The following MIS18A variants were observed in gnomAD, a reference collection of about 807,000 sequenced individuals.
MIS18A encodes the protein protein Mis18-alpha.
In MIS18A, 14 loss-of-function variants were observed where a neutral mutation model predicts 25.0. The ratio of observed to expected loss-of-function variants is 0.56; its 90% confidence interval spans 0.37 to 0.88. The LOEUF is 0.88. MIS18A is among the 40% of genes least tolerant of loss of function. MIS18A has a pLI of 0.00. For synonymous variants in MIS18A, 134 were observed against 118.6 expected (o/e 1.13, Z -0.84); for missense variants, 292 against 290.8 (o/e 1.00, Z -0.03).
chr21:32,188,367 A>G, the MIS18A span, among the ~76,000 whole-genome samples: 1 of 152,350 alleles, frequency 6.6e-6, no homozygotes, highest in East Asian at 1.9e-4. Context: ...CCACAGAGTG[A>G]CACAAAGAAG....
chr21:32,212,913 G>C, the MIS18A span, among the ~76,000 whole-genome samples: 1 of 152,164 alleles, frequency 6.6e-6, no homozygotes, highest in Admixed American at 6.5e-5. Context: ...GTGGAACTGT[G>C]AGTCCATTAA....
chr21:32,196,132 G>T, the MIS18A span, among the ~76,000 whole-genome samples: 1 of 152,310 alleles, frequency 6.6e-6, no homozygotes, highest in South Asian at 2.1e-4. Context: ...ATGTCTGTGA[G>T]AGTGTTCTGG....
At chr21:32,208,434 G>C in the MIS18A span, among the ~76,000 whole-genome samples, 1 of 152,044 alleles carries the variant, frequency 6.6e-6, no homozygotes, top group Non-Finnish European at 1.5e-5. Context: ...CCTTGCTTCT[G>C]CTTTGGCCAT....
At chr21:32,274,943 A>C in intron 1 of MIS18A, 47 bp from the exon 2 acceptor site, 1 of 1,466,678 alleles carries the variant, frequency 6.8e-7, no homozygotes, top group Non-Finnish European at 9.5e-7. Flanking sequence ...AGTTCGTTAT[A>C]ACATACCTGC....
chr21:32,175,886 A>G, the MIS18A span, among the ~76,000 whole-genome samples: 13 of 152,062 alleles, frequency 8.5e-5, no homozygotes, highest in Non-Finnish European at 1.6e-4. Flanking sequence ...TTCTTATTCC[A>G]TATGCCTTTC....
At chr21:32,241,718 C>T in the MIS18A span, among the ~76,000 whole-genome samples, 3 of 103,650 alleles carry the variant, frequency 2.9e-5, no homozygotes, top group African/African-American at 1.2e-4. Context: ...CACATGTCAA[C>T]CCTTAACAGC....
At chr21:32,189,133 A>AC in the MIS18A span, among the ~76,000 whole-genome samples, 1 of 152,216 alleles carries the variant, frequency 6.6e-6, no homozygotes, top group South Asian at 2.1e-4. Context: ...CGGTGTGCGG[A>AC]CACCGCCATG....
chr21:32,215,452 A>G, the MIS18A span, among the ~76,000 whole-genome samples: 5 of 152,084 alleles, frequency 3.3e-5, no homozygotes, highest in Non-Finnish European at 7.4e-5. Context: ...TTTCCCAGAA[A>G]ACAGCCCTGG....
the MIS18A span, among the ~76,000 whole-genome samples, chr21:32,186,103 G>C: frequency 6.6e-6 from 1 of 152,114 alleles, no homozygotes; most frequent in Non-Finnish European, 1.5e-5. Context: ...CTCAGCCCTA[G>C]ACAATGTGAA....
the MIS18A span, among the ~76,000 whole-genome samples, chr21:32,241,302 T>C: frequency 1.3e-5 from 2 of 149,750 alleles, no homozygotes; most frequent in Non-Finnish European, 3.0e-5. Context: ...AAAACACAAT[T>C]AAAATCCGAG....
chr21:32,275,009 A>G, intron 1 of MIS18A, 113 bp from the exon 2 acceptor site: 1 of 801,514 alleles, frequency 1.2e-6, no homozygotes, highest in Non-Finnish European at 2.0e-6. Flanking sequence ...AAATAAGCCC[A>G]AAGTCAAACA....
chr21:32,156,674 C>T, the MIS18A span, among the ~76,000 whole-genome samples: 3,549 of 152,080 alleles, frequency 0.023, 125 homozygotes, highest in African/African-American at 0.08. Flanking sequence ...GCGTTTTTAC[C>T]CCCAGACCAT....
At chr21:32,169,853 AAAC>A in the MIS18A span, among the ~76,000 whole-genome samples, 3 of 152,202 alleles carry the variant, frequency 2.0e-5, no homozygotes, top group African/African-American at 7.2e-5. Context: ...CTAGAAAAAC[AAAC>A]AACAACAACA....
At chr21:32,276,868 A>T (rs997175455) in intron 1 of MIS18A, among the ~76,000 whole-genome samples, 2 of 152,126 alleles carry the variant, frequency 1.3e-5, no homozygotes, top group African/African-American at 4.8e-5. Flanking sequence ...TCAAGGTTAC[A>T]TACAGTGAGC....
chr21:32,274,686 A>G, intron 2 of MIS18A, 144 bp downstream of exon 2: 1 of 642,578 alleles, frequency 1.6e-6, no homozygotes, highest in Non-Finnish European at 2.7e-6. Context: ...AAGCAAAAAA[A>G]AGAACTGATA....
intron 2 of MIS18A, among the ~76,000 whole-genome samples, chr21:32,273,143 A>G (rs2031745149): frequency 6.6e-6 from 1 of 150,760 alleles, no homozygotes; most frequent in Non-Finnish European, 1.5e-5. Context: ...CTTTTATGGA[A>G]GAGATACATA....
chr21:32,158,264 G>A, the MIS18A span, among the ~76,000 whole-genome samples: 1 of 152,216 alleles, frequency 6.6e-6, no homozygotes, highest in Middle Eastern at 3.4e-3. Context: ...ATCATTCAAG[G>A]CCTTTTCAAA....
At chr21:32,275,028 A>T in intron 1 of MIS18A, 132 bp from the exon 2 acceptor site, 1 of 708,706 alleles carries the variant, frequency 1.4e-6, no homozygotes, top group Non-Finnish European at 2.4e-6. Context: ...CACACAAAAG[A>T]GCGGTTTAAA....
chr21:32,220,451 C>T, the MIS18A span, among the ~76,000 whole-genome samples: 37 of 152,178 alleles, frequency 2.4e-4, 1 homozygote, highest in South Asian at 7.5e-3. Flanking sequence ...AAAAGGACGC[C>T]CACGCAAAAA....
Sources: allele counts gnomAD v4.1 joint callset (sites outside exome capture counted in the v4.1 genomes callset), GRCh38; gene constraint gnomAD v4.1.1; transcripts MANE v1.5; gene names NCBI Gene and HGNC (gene_info 2026-07-23, HGNC 2026-07-21).